ELAVL3: variants seen among roughly 807,000 people sequenced by gnomAD.
The protein encoded by ELAVL3 is ELAV-like protein 3.
In ELAVL3, 8 loss-of-function variants were observed where a neutral mutation model predicts 34.2. That is an observed-to-expected ratio of 0.23 (90% CI 0.14 to 0.42). The LOEUF is 0.42. Ranked by LOEUF, ELAVL3 falls within the 10% of genes least tolerant of loss-of-function variation. The pLI is 1.00. For missense variants in ELAVL3, 273 were observed against 518.8 expected, an observed-to-expected ratio of 0.53 and a Z score of 4.60; for synonymous variants, 209 against 222.1, an observed-to-expected ratio of 0.94 and a Z score of 0.53.
intron 3 of ELAVL3, among the ~76,000 whole-genome samples, chr19:11,462,988 G>GAAAA: frequency 6.7e-6 from 1 of 148,624 alleles, no homozygotes; most frequent in East Asian, 1.9e-4. Context: ...AAGAAAGAAA[G>GAAAA]AAATCATGTC....
rs1187716283 is a variant in ELAVL3, at chr19:11,454,498, AG to A, written c.*27del. 3.1e-6 allele frequency: 4 copies of A among 1,288,018 alleles called. No individual in the cohort carries two copies. The highest frequency in any genetic ancestry group is 2.6e-5 in the African/African-American group (1 of 38,918). The allele number at this position is 1,288,018 out of a possible 1,614,324, so 79.8% of individuals were successfully genotyped here. On this transcript the variant is annotated 3_prime_UTR_variant, in exon 7 of 7. Coordinates refer to ENST00000359227, the MANE Select transcript of ELAVL3 (RefSeq NM_001420.4). This position sits in a 1 kb window ranked among gnomAD's most constrained non-coding sequence, Gnocchi z 9.2. ...CTCTCTCTCTCTCTGCTGCCCGGGG[AG>A]GGGGTGGGAGGGCAGGCGGGGTGGG...
At chr19:11,473,272 G>C (rs748033051) in intron 1 of ELAVL3, among the ~76,000 whole-genome samples, 1 of 151,994 alleles carries the variant, frequency 6.6e-6, no homozygotes, top group Non-Finnish European at 1.5e-5. Context: ...GGCTGAGGCA[G>C]GGGAATGGTG....
In ELAVL3 at chr19:11,465,010, T is replaced by C. The variant is rs542849521; in HGVS notation, c.333+1162A>G. Among the ~76,000 whole-genome samples, 181 of 52,396 alleles carry C rather than the reference T, an allele frequency of 3.5e-3. 2 individuals carry two copies. Among genetic ancestry groups the C allele is most frequent in the African/African-American group, 0.012 (150 of 12,194 alleles). The allele number at this position is 52,396 out of a possible 152,430, so 34.4% of individuals were successfully genotyped here. On this transcript the variant is annotated intron_variant, in intron 3 of 6. Transcript: ENST00000359227. Reference sequence around the variant, plus strand: ...ACACACACCACACACCACACACACATACATACACATACACACACCACACAC... The same window carrying C: ...ACACACACCACACACCACACACACACACATACACATACACACACCACACAC...
intron 6 of ELAVL3, among the ~76,000 whole-genome samples, chr19:11,455,801 GAAC>G (rs1305770007): frequency 6.6e-6 from 1 of 152,102 alleles, no homozygotes; most frequent in Non-Finnish European, 1.5e-5. Context: ...TCCAGCCCCT[GAAC>G]AACACCTAGT....
In ELAVL3 at chr19:11,454,739, C is replaced by G. The variant is rs1334570987; in HGVS notation, c.891G>C (p.Glu297Asp). 3 of 1,614,082 alleles carry G rather than the reference C, an allele frequency of 1.9e-6. No individual in the cohort carries two copies. The highest frequency in any genetic ancestry group is 2.5e-6 in the Non-Finnish European group (3 of 1,180,024). The change falls in exon 7 of 7, where the codon GAG (glutamate) becomes GAC (aspartate). Residue 297 changes from glutamate (E) to aspartate (D), a missense_variant. Physicochemically the swap from Glu to Asp is conservative, Grantham distance 45 (BLOSUM62 2). Around this residue, in one of 4 missense-constraint regions of ELAVL3, gnomAD observed 52 missense variants for 119.6 expected, o/e 0.43. Coordinates refer to ENST00000359227, the MANE Select transcript of ELAVL3 (RefSeq NM_001420.4). The surrounding 1 kb of genome is among the most constrained non-coding windows in gnomAD (Gnocchi z 9.2). Reference protein sequence around the residue: ...FVYNLSPEADESVLWQLFGPF... With the variant: ...FVYNLSPEADDSVLWQLFGPF... ...GCCCGAACAGCTGCCACAGCACGCT[C>G]TCGTCTGCCTCCGGTGACAGGTTGT...
intron 3 of ELAVL3, among the ~76,000 whole-genome samples, chr19:11,464,167 A>ATATATATTT (rs1319720810): frequency 6.5e-4 from 67 of 103,838 alleles, no homozygotes; most frequent in Non-Finnish European, 9.7e-4. Context: ...ATATATATAT[A>ATATATATTT]TTTTTTTTTT....
Position 11,458,508 on chromosome 19 carries a change from G to A in ELAVL3, c.437C>T (p.Ser146Phe), listed in dbSNP as rs1970817645. Residue 146 changes from serine (S) to phenylalanine (F), a missense_variant, in exon 4 of 7, where the codon TCC becomes TTC. By Grantham distance (155) the Ser-to-Phe change is radical (BLOSUM62 -2). Around this residue, in one of 4 missense-constraint regions of ELAVL3, gnomAD observed 102 missense variants for 250.1 expected, o/e 0.41. Transcript: ENST00000359227. This position sits in a 1 kb window ranked among gnomAD's most constrained non-coding sequence, Gnocchi z 7.3. Reference protein sequence around the residue: ...MSQKEMEQLFSQYGRIITSRI... With the variant: ...MSQKEMEQLFFQYGRIITSRI... ...GGACGTGATGATGCGGCCGTACTGG[G>A]AGAAGAGCTGCTCCATCTCTTTCTG... 2 of 1,614,062 alleles carry A rather than the reference G, an allele frequency of 1.2e-6. No individual in the cohort carries two copies. Among genetic ancestry groups the A allele is most frequent in the Non-Finnish European group, 1.7e-6 (2 of 1,180,048 alleles).
intron 1 of ELAVL3, among the ~76,000 whole-genome samples, chr19:11,478,190 C>T (rs529518268): frequency 5.9e-5 from 9 of 152,094 alleles, no homozygotes; most frequent in East Asian, 1.9e-4. Context: ...ACCCTAGAGC[C>T]GAAAGAGTTA....
intron 1 of ELAVL3, among the ~76,000 whole-genome samples, chr19:11,470,052 G>A (rs961305341): frequency 2.0e-5 from 3 of 151,764 alleles, no homozygotes; most frequent in African/African-American, 7.3e-5. Flanking sequence ...GTGAGACCCT[G>A]TCTCAAAAAT....
rs1187594266 is a variant in ELAVL3 at position 11,472,767 on chromosome 19, GAGA to G, written c.10-5943_10-5941del. On this transcript the variant is annotated intron_variant, in intron 1 of 6. Coordinates refer to ENST00000359227, the MANE Select transcript of ELAVL3 (RefSeq NM_001420.4). ...GGAGAACGAGAAGGAGAAGGAAAAG[GAGA>G]AGGAGAAGAAGAAGCCAGGCGTGGT... Among the ~76,000 whole-genome samples, 5 of 152,028 alleles carry G rather than the reference GAGA, an allele frequency of 3.3e-5. No homozygotes were observed. The South Asian group carries it at 6.2e-4, about 19-fold the overall frequency.
rs1425766004 is a variant in ELAVL3, at chr19:11,454,829, C to T, written c.801G>A (p.Met267Ile). Residue 267 changes from methionine to isoleucine, a missense_variant, in exon 7 of 7, where the codon ATG becomes ATA. Met to Ile is a conservative substitution (Grantham distance 10). Transcript: ENST00000359227. This position sits in a 1 kb window ranked among gnomAD's most constrained non-coding sequence, Gnocchi z 9.2. ...ACAGGCCCACGCCCGCCAGGCCGCT[C>T]ATACCATCGATGGCGATCGGCGAGA... ...ARFSPIAIDG[M>I]SGLAGVGLSG... 1.2e-6 allele frequency: 2 copies of T among 1,609,284 alleles called. No homozygotes were observed. Among genetic ancestry groups the T allele is most frequent in the Non-Finnish European group, 1.7e-6 (2 of 1,178,874 alleles).
chr19:11,456,355 C>A (rs8112489), intron 6 of ELAVL3, among the ~76,000 whole-genome samples: 6 of 152,040 alleles, frequency 3.9e-5, no homozygotes, highest in Non-Finnish European at 1.5e-5. Context: ...CCGCCTGCCT[C>A]GGCTTCCCAA....
intron 3 of ELAVL3, among the ~76,000 whole-genome samples, chr19:11,464,799 A>ACG (rs1970989152): frequency 1.8e-5 from 2 of 111,316 alleles, no homozygotes; most frequent in South Asian, 2.8e-4. Flanking sequence ...CACCACACAC[A>ACG]CACCACACAC....
In ELAVL3 at chr19:11,458,599, T is replaced by G. The variant is rs1297747799; in HGVS notation, c.346A>C (p.Arg116=). Residue 116 remains arginine (R), a synonymous_variant, in exon 4 of 7, where the codon AGA becomes CGA. Transcript: ENST00000359227. The surrounding 1 kb of genome is among the most constrained non-coding windows in gnomAD (Gnocchi z 7.3). ...TCCCGGATGGATGCTGAACTGGGTC[T>G]GGCATAGGACACCTGGGTGAGGGGG... ...QTKTIKVSYA[R]PSSASIRDAN... 5.0e-6 allele frequency: 8 copies of G among 1,613,876 alleles called. No homozygotes were observed. The highest frequency in any genetic ancestry group is 8.5e-7 in the Non-Finnish European group (1 of 1,179,996).
rs1970705680 is a variant in ELAVL3, at chr19:11,453,779, TG to T, written c.*746del. 6.6e-6 allele frequency: 1 copy of T among 150,768 alleles called. No homozygotes were observed. Among genetic ancestry groups the T allele is most frequent in the Non-Finnish European group, 1.5e-5 (1 of 67,556 alleles). The allele number at this position is 150,768 out of a possible 1,614,324, so 9.3% of individuals were successfully genotyped here. ...CTGCTAGCCCCTAAGCCCTGCTCCC[TG>T]GGCCCCCCCCACCCCCGCCCCAGTT... On this transcript the variant is annotated 3_prime_UTR_variant, in exon 7 of 7. Transcript: ENST00000359227.
chr19:11,457,983 C>T lies in ELAVL3; in HGVS notation c.713+78G>A, dbSNP rs140725152. The T allele has an allele frequency of 5.1e-4, 752 of 1,467,482 alleles. 6 individuals carry two copies. In the African/African-American group the frequency reaches 8.8e-3, roughly 17 times the overall value. The allele number at this position is 1,467,482 out of a possible 1,614,324, so 90.9% of individuals were successfully genotyped here. ...CGCACCCTCCCGGCATCCCTCCCTT[C>T]GGCAGGAATGGGGTTCAGGGAGGGT... On this transcript the variant is annotated intron_variant, in intron 5 of 6. Coordinates refer to ENST00000359227, the MANE Select transcript of ELAVL3 (RefSeq NM_001420.4).
At position 11,452,787 on chromosome 19, in the gene ELAVL3, A is replaced by T. The variant is rs1444969581; in HGVS notation, c.*1739T>A. 2.7e-5 allele frequency: 4 copies of T among 150,632 alleles called. No individual in the cohort carries two copies. Among genetic ancestry groups the T allele is most frequent in the African/African-American group, 9.8e-5 (4 of 40,854 alleles). The allele number at this position is 150,632 out of a possible 1,614,324, so 9.3% of individuals were successfully genotyped here. A position where few individuals can be genotyped will look rare whatever the true frequency, so the allele number is the denominator to read the frequency against. On this transcript the variant is annotated 3_prime_UTR_variant, in exon 7 of 7. Coordinates refer to ENST00000359227, the MANE Select transcript of ELAVL3 (RefSeq NM_001420.4). ...GATGGGGCCGCTGAGTGGGGTGGGGAGCGGTGCGAGGGCTCCCAGGGGCTC... is the reference window on the plus strand; with the variant it reads ...GATGGGGCCGCTGAGTGGGGTGGGGTGCGGTGCGAGGGCTCCCAGGGGCTC...
At chr19:11,469,139 G>C (rs1971113941) in intron 1 of ELAVL3, among the ~76,000 whole-genome samples, 1 of 152,108 alleles carries the variant, frequency 6.6e-6, no homozygotes, top group Admixed American at 6.6e-5. Context: ...TATTGCCCAG[G>C]CTGGTCTCGA....
In ELAVL3 at chr19:11,464,782, CCACACACACCA is replaced by C. The variant is rs1383576489; in HGVS notation, c.333+1379_333+1389del. ...ACATCACACACACCACACACATACA[CCACACACACCA>C]CACACACACCACACACACATGCACC... On this transcript the variant is annotated intron_variant, in intron 3 of 6. Coordinates refer to ENST00000359227, the MANE Select transcript of ELAVL3 (RefSeq NM_001420.4). 8.8e-4 allele frequency among the ~76,000 whole-genome samples: 104 copies of C among 117,972 alleles called. 1 individual carries two copies. The highest frequency in any genetic ancestry group is 2.7e-3 in the African/African-American group (84 of 30,658). 77.4% of individuals were successfully genotyped at this position (117,972 alleles called of 152,430 possible).
Sources: gnomAD v4.1 joint callset for allele counts (sites outside exome capture counted in the v4.1 genomes callset) on GRCh38, gnomAD v4.1.1 for gene constraint, gnomAD v4.1.1 regional missense constraint, Gnocchi (gnomAD v3.1) non-coding constraint, MANE v1.5 for transcripts, NCBI Gene and HGNC (gene_info 2026-07-23, HGNC 2026-07-21) for gene names.